SHROOM3: variants seen among roughly 807,000 people sequenced by gnomAD.
The protein encoded by SHROOM3 is shroom family member 3, also known as protein Shroom3.
Under a neutral mutation model 138.6 loss-of-function variants are expected in SHROOM3, and 47 were observed. The observed-to-expected ratio is 0.34, with a 90% confidence interval of 0.27 to 0.43. The LOEUF is 0.43. Among genes scored for constraint, SHROOM3 ranks in the 20% least tolerant of loss-of-function variants. The pLI is 1.00. For synonymous variants in SHROOM3, 1,062 were observed against 1,063.3 expected (o/e 1.00, Z 0.02); for missense variants, 2,491 against 2,596.5 (o/e 0.96, Z 0.88).
rs1457887970 is a variant in SHROOM3, at chr4:76,441,113, A to G, written c.168+4893A>G. On this transcript the variant is annotated intron_variant, in intron 1 of 10. Transcript: ENST00000296043. ...TTTTTTTTTTTTTTTTTTTTGAGACAGAGTCTCACTCTGTCGCCCAGGCTG... is the reference window on the plus strand; with the variant it reads ...TTTTTTTTTTTTTTTTTTTTGAGACGGAGTCTCACTCTGTCGCCCAGGCTG... Among the ~76,000 whole-genome samples the G allele has an allele frequency of 2.3e-4, 9 of 39,056 alleles. No homozygotes were observed. In the East Asian group the frequency reaches 5.3e-3, roughly 23 times the overall value. 25.6% of individuals were successfully genotyped at this position (39,056 alleles called of 152,430 possible).
At chr4:76,748,610 G>T (rs752589379) in intron 5 of SHROOM3, among the ~76,000 whole-genome samples, 2 of 152,170 alleles carry the variant, frequency 1.3e-5, no homozygotes, top group African/African-American at 4.8e-5. Context: ...GTAATAGACT[G>T]TCCTTTCCCG....
intron 2 of SHROOM3, among the ~76,000 whole-genome samples, chr4:76,592,628 A>G (rs985149263): frequency 6.6e-6 from 1 of 152,230 alleles, no homozygotes; most frequent in African/African-American, 2.4e-5. Flanking sequence ...TGCTTTTAAG[A>G]AATTGGCCCT....
intron 2 of SHROOM3, among the ~76,000 whole-genome samples, chr4:76,699,399 T>C (rs1002759311): frequency 2.6e-5 from 4 of 152,176 alleles, no homozygotes; most frequent in Admixed American, 2.0e-4. Context: ...TCATCAACTG[T>C]CAAAGGTAAA....
At chr4:76,470,871 A>G (rs888380650) in intron 1 of SHROOM3, among the ~76,000 whole-genome samples, 1 of 152,184 alleles carries the variant, frequency 6.6e-6, no homozygotes. Context: ...TGTGCCATAA[A>G]TGAGACAAAT....
rs189534124 is a variant in SHROOM3 at position 76,674,427 on chromosome 4, C to T, written c.324-35729C>T. On this transcript the variant is annotated intron_variant, in intron 2 of 10. Coordinates refer to ENST00000296043, the MANE Select transcript of SHROOM3 (RefSeq NM_020859.4). ...TAGCCACCTCTCTGACTCCTCATAA[C>T]GTGAGGATTGAGGCTGAGTTGTCCT... Among the ~76,000 whole-genome samples, 7 of 152,156 alleles carry T rather than the reference C, an allele frequency of 4.6e-5. No homozygotes were observed. The South Asian group carries it at 8.3e-4, about 18-fold the overall frequency.
rs540500291 is a variant in SHROOM3, at chr4:76,699,691, A to G, written c.324-10465A>G. ...GCTTTACTTCCACCGTGCTTGTTGC[A>G]TGTTCTCTTTCTTGCTCCTTTCCAC... On this transcript the variant is annotated intron_variant, in intron 2 of 10. Transcript: ENST00000296043. Among the ~76,000 whole-genome samples the G allele has an allele frequency of 5.3e-5, 8 of 152,244 alleles. No individual in the cohort carries two copies. In the East Asian group the frequency reaches 1.3e-3, roughly 26 times the overall value.
intron 1 of SHROOM3, among the ~76,000 whole-genome samples, chr4:76,471,771 A>C (rs79988748): frequency 0.077 from 11,736 of 152,222 alleles, 792 homozygotes; most frequent in East Asian, 0.26. Context: ...CCAGGCTCTG[A>C]ACATCTGAAG....
At chr4:76,604,510 A>C (rs573914319) in intron 2 of SHROOM3, among the ~76,000 whole-genome samples, 2 of 152,322 alleles carry the variant, frequency 1.3e-5, no homozygotes, top group East Asian at 3.9e-4. Flanking sequence ...GTGGTATCTA[A>C]GTTGTCTGTG....
Position 76,639,636 on chromosome 4 carries a change from G to A in SHROOM3, c.324-70520G>A, listed in dbSNP as rs1022074053. The A allele has an allele frequency of 6.3e-5, 25 of 398,316 alleles. No individual in the cohort carries two copies. In the East Asian group the frequency reaches 7.8e-4, roughly 12 times the overall value. The allele number at this position is 398,316 out of a possible 1,614,324, so 24.7% of individuals were successfully genotyped here. A position where few individuals can be genotyped will look rare whatever the true frequency, so the allele number is the denominator to read the frequency against. On this transcript the variant is annotated intron_variant, in intron 2 of 10. Transcript: ENST00000296043. Reference sequence around the variant, plus strand: ...GGGACCCAAAACTCAAGAAGACAACGAAACATGTAAGTGAGGGCTTCATGG... The same window carrying A: ...GGGACCCAAAACTCAAGAAGACAACAAAACATGTAAGTGAGGGCTTCATGG...
intron 10 of SHROOM3, among the ~76,000 whole-genome samples, chr4:76,777,938 G>C (rs1722622518): frequency 6.6e-6 from 1 of 152,136 alleles, no homozygotes; most frequent in Admixed American, 6.5e-5. Flanking sequence ...CTGCAAAAGA[G>C]AACTGAAAAA....
intron 1 of SHROOM3, among the ~76,000 whole-genome samples, chr4:76,445,352 G>A (rs149158169): frequency 1.1e-4 from 17 of 152,242 alleles, no homozygotes; most frequent in Non-Finnish European, 1.6e-4. Context: ...GTTTGTATAT[G>A]CTAATTTCAG....
chr4:76,763,826 C>G (rs1722064589), intron 9 of SHROOM3, among the ~76,000 whole-genome samples: 2 of 152,152 alleles, frequency 1.3e-5, no homozygotes, highest in Admixed American at 6.5e-5. Flanking sequence ...GATTTGGAAA[C>G]ACAAAGTTTT....
chr4:76,531,894 C>T (rs1333941188), intron 1 of SHROOM3, among the ~76,000 whole-genome samples: 1 of 145,282 alleles, frequency 6.9e-6, no homozygotes, highest in Non-Finnish European at 1.5e-5. Context: ...CTAGCTTTGC[C>T]TGCCAAGTTG....
At chr4:76,611,875 A>T (rs200759208) in intron 2 of SHROOM3, among the ~76,000 whole-genome samples, 2 of 152,212 alleles carry the variant, frequency 1.3e-5, no homozygotes, top group African/African-American at 4.8e-5. Flanking sequence ...ATCTTCACCC[A>T]GTGTCCGGAT....
intron 1 of SHROOM3, among the ~76,000 whole-genome samples, chr4:76,548,072 A>AT (rs1291031342): frequency 1.3e-5 from 2 of 150,618 alleles, no homozygotes; most frequent in African/African-American, 4.9e-5. Flanking sequence ...TGGAAGACGA[A>AT]TTTGTGTAAG....
intron 1 of SHROOM3, among the ~76,000 whole-genome samples, chr4:76,461,467 G>T (rs1389801621): frequency 1.3e-5 from 2 of 152,158 alleles, no homozygotes; most frequent in African/African-American, 4.8e-5. Context: ...TACGGAAACA[G>T]AATTCACACT....
At chr4:76,630,832 C>T (rs1735294565) in intron 2 of SHROOM3, among the ~76,000 whole-genome samples, 1 of 152,128 alleles carries the variant, frequency 6.6e-6, no homozygotes, top group African/African-American at 2.4e-5. Flanking sequence ...ATATATTCCA[C>T]TTGAATTTAC....
intron 2 of SHROOM3, chr4:76,638,694 T>G (rs915510799): frequency 4.6e-5 from 7 of 152,210 alleles, no homozygotes; most frequent in African/African-American, 1.7e-4. Context: ...TCCTTTTTAT[T>G]TTTTCCTGTG....
intron 2 of SHROOM3, chr4:76,587,105 C>T (rs991605721): frequency 2.6e-5 from 4 of 152,150 alleles, no homozygotes; most frequent in Non-Finnish European, 2.9e-5. Flanking sequence ...TGCTTAAGAA[C>T]GTGCTTCTGT....
Sources: allele counts gnomAD v4.1 joint callset (sites outside exome capture counted in the v4.1 genomes callset), GRCh38; gene constraint gnomAD v4.1.1; transcripts MANE v1.5; gene names NCBI Gene and HGNC (gene_info 2026-07-23, HGNC 2026-07-21).